The following PAX5 variants were observed in gnomAD, a reference collection of about 807,000 sequenced individuals.
The protein encoded by PAX5 is paired box protein Pax-5.
In PAX5, 9 loss-of-function variants were observed where a neutral mutation model predicts 43.7. That is an observed-to-expected ratio of 0.21 (90% CI 0.12 to 0.36). The LOEUF is 0.36. Among genes scored for constraint, PAX5 ranks in the 10% least tolerant of loss-of-function variants. The pLI is 1.00. For synonymous variants in PAX5, 228 were observed against 214.3 expected (o/e 1.06, Z -0.56); for missense variants, 383 against 532.7 (o/e 0.72, Z 2.77).
intron 1 of PAX5, among the ~76,000 whole-genome samples, chr9:37,024,614 C>T (rs1215888123): frequency 6.6e-6 from 1 of 152,224 alleles, no homozygotes; most frequent in Non-Finnish European, 1.5e-5. Context: ...CTTGCACCTG[C>T]TCTGGAAGCT....
At chr9:36,862,808 C>T (rs978439858) in intron 8 of PAX5, among the ~76,000 whole-genome samples, 11 of 152,182 alleles carry the variant, frequency 7.2e-5, no homozygotes, top group East Asian at 1.9e-4. Flanking sequence ...TCCTCCAATG[C>T]GGCAGAAACT....
intron 9 of PAX5, among the ~76,000 whole-genome samples, chr9:36,843,115 AGT>A (rs1030230684): frequency 6.0e-5 from 9 of 149,882 alleles, no homozygotes; most frequent in Admixed American, 4.7e-4. Flanking sequence ...TGAGTGTATG[AGT>A]GTGAGCGTGC....
intron 8 of PAX5, among the ~76,000 whole-genome samples, chr9:36,855,992 C>T (rs78354116): frequency 0.24 from 37,021 of 152,178 alleles, 5,221 homozygotes; most frequent in East Asian, 0.46. Context: ...TATCACTGCC[C>T]ATGTCCCAGG....
intron 6 of PAX5, among the ~76,000 whole-genome samples, chr9:36,926,384 G>A (rs1830640877): frequency 1.3e-5 from 2 of 152,232 alleles, no homozygotes; most frequent in Non-Finnish European, 1.5e-5. Context: ...CAGTGGGTAT[G>A]TGTGTACGAG....
intron 5 of PAX5, among the ~76,000 whole-genome samples, chr9:36,988,418 T>G (rs1270282122): frequency 6.6e-6 from 1 of 152,156 alleles, no homozygotes; most frequent in African/African-American, 2.4e-5. Context: ...CCTGGCATTT[T>G]GGGAGCCTGA....
At chr9:36,951,640 G>A (rs536715771) in intron 6 of PAX5, among the ~76,000 whole-genome samples, 3 of 152,144 alleles carry the variant, frequency 2.0e-5, no homozygotes, top group Non-Finnish European at 4.4e-5. Flanking sequence ...ACATTTCTGG[G>A]TCTTGGTTAT....
At chr9:36,853,396 G>A (rs1416401986) in intron 8 of PAX5, among the ~76,000 whole-genome samples, 2 of 151,828 alleles carry the variant, frequency 1.3e-5, no homozygotes, top group Non-Finnish European at 2.9e-5. Flanking sequence ...ACTGAAGAAG[G>A]GGGCCTATTG....
chr9:36,863,834 G>T (rs541601957), intron 8 of PAX5, among the ~76,000 whole-genome samples: 1 of 152,204 alleles, frequency 6.6e-6, no homozygotes, highest in Non-Finnish European at 1.5e-5. Context: ...GTAGGGGCCG[G>T]GCGCAGTGGC....
chr9:36,934,864 C>G (rs1831413041), intron 6 of PAX5, among the ~76,000 whole-genome samples: 1 of 152,204 alleles, frequency 6.6e-6, no homozygotes, highest in Non-Finnish European at 1.5e-5. Context: ...TGGCCCAGTG[C>G]CCAGCTCTGA....
chr9:36,847,663 C>T lies in PAX5; in HGVS notation c.1013-734G>A, dbSNP rs73645888. On this transcript the variant is annotated intron_variant, in intron 8 of 9. Transcript: ENST00000358127. The stretch of plus-strand genomic sequence containing the variant: ...AGCTGTGGGCGTGCTTGGGCAGGAG[C>T]TGTGAGGTGTGCCAGGGTGTGATGA... Among the ~76,000 whole-genome samples, 212 of 152,294 alleles carry T rather than the reference C, an allele frequency of 1.4e-3. 1 individual carries two copies. The highest frequency in any genetic ancestry group is 4.7e-3 in the African/African-American group (194 of 41,574).
intron 1 of PAX5, chr9:37,026,536 G>A: frequency 7.5e-7 from 1 of 1,329,826 alleles, no homozygotes; most frequent in Non-Finnish European, 9.9e-7. Context: ...TACTTACTAT[G>A]CATGGATGCA....
intron 7 of PAX5, among the ~76,000 whole-genome samples, chr9:36,913,218 G>C (rs1345082354): frequency 6.6e-6 from 1 of 152,330 alleles, no homozygotes; most frequent in Non-Finnish European, 1.5e-5. Context: ...GCAGTGCCCA[G>C]GGGGAGCCTC....
intron 6 of PAX5, among the ~76,000 whole-genome samples, chr9:36,963,295 T>C (rs1013639112): frequency 6.6e-6 from 1 of 152,178 alleles, no homozygotes; most frequent in Non-Finnish European, 1.5e-5. Flanking sequence ...CTGGAGATGC[T>C]GAGTCCTCAC....
At chr9:36,953,813 C>T (rs1266526836) in intron 6 of PAX5, among the ~76,000 whole-genome samples, 1 of 152,164 alleles carries the variant, frequency 6.6e-6, no homozygotes, top group Non-Finnish European at 1.5e-5. Context: ...TAGCTCACAC[C>T]TGTAATTCCA....
chr9:36,973,267 G>A (rs1835132679), intron 5 of PAX5, among the ~76,000 whole-genome samples: 1 of 152,138 alleles, frequency 6.6e-6, no homozygotes, highest in Non-Finnish European at 1.5e-5. Flanking sequence ...GTCCAGGGCT[G>A]TCTCTAGATC....
At chr9:36,880,716 C>A (rs1826339872) in intron 8 of PAX5, among the ~76,000 whole-genome samples, 1 of 152,214 alleles carries the variant, frequency 6.6e-6, no homozygotes, top group Non-Finnish European at 1.5e-5. Flanking sequence ...GTGCATGCCA[C>A]CACACCTGGC....
At chr9:36,994,306 C>T (rs1327846179) in intron 5 of PAX5, among the ~76,000 whole-genome samples, 1 of 152,212 alleles carries the variant, frequency 6.6e-6, no homozygotes, top group Non-Finnish European at 1.5e-5. Flanking sequence ...CCATCTCTGC[C>T]ACTAACTGCC....
At chr9:36,956,799 G>T (rs1260158457) in intron 6 of PAX5, among the ~76,000 whole-genome samples, 1 of 152,196 alleles carries the variant, frequency 6.6e-6, no homozygotes, top group Non-Finnish European at 1.5e-5. Context: ...ACTTTGAGAT[G>T]ATGACAATAG....
intron 6 of PAX5, among the ~76,000 whole-genome samples, chr9:36,933,823 C>T (rs1831324315): frequency 6.6e-6 from 1 of 152,208 alleles, no homozygotes; most frequent in African/African-American, 2.4e-5. Context: ...AGACCTGGCT[C>T]TGCCCTGGAC....
Sources: gnomAD v4.1 joint callset for allele counts (sites outside exome capture counted in the v4.1 genomes callset) on GRCh38, gnomAD v4.1.1 for gene constraint, MANE v1.5 for transcripts, NCBI Gene and HGNC (gene_info 2026-07-23, HGNC 2026-07-21) for gene names.